Variants in ZFYVE26 observed in about 807,000 individuals in gnomAD.
The protein encoded by ZFYVE26 is zinc finger FYVE domain-containing protein 26.
In ZFYVE26, 181 loss-of-function variants were observed where a neutral mutation model predicts 276.5. That is an observed-to-expected ratio of 0.65 (90% confidence interval 0.58 to 0.74). The LOEUF is 0.74. Ranked by LOEUF, ZFYVE26 falls within the 30% of genes least tolerant of loss-of-function variation. The pLI, the probability that ZFYVE26 is intolerant of heterozygous loss-of-function variation, is 0.00. For missense variants in ZFYVE26, 2,821 were observed against 3,097.9 expected (o/e 0.91, Z 2.12); for synonymous variants, 1,129 against 1,203.1 (o/e 0.94, Z 1.27).
At chr14:67,737,725 TA>T (rs2038368710) in intron 13 of ZFYVE26, among the ~76,000 whole-genome samples, 1 of 152,194 alleles carries the variant, frequency 6.6e-6, no homozygotes, top group South Asian at 2.1e-4. Context: ...GTAGTACCCA[TA>T]TTTTTATTCA....
chr14:67,791,701 G>C (rs1261538574), intron 14 of ZFYVE26, among the ~76,000 whole-genome samples: 1 of 151,548 alleles, frequency 6.6e-6, no homozygotes, highest in East Asian at 1.9e-4. Flanking sequence ...AGGAGAAGTG[G>C]AGGACATTTA....
intron 31 of ZFYVE26, among the ~76,000 whole-genome samples, chr14:67,767,274 C>T (rs1052742535): frequency 2.6e-5 from 4 of 152,150 alleles, no homozygotes; most frequent in African/African-American, 9.7e-5. Context: ...TTCAAGCCTA[C>T]CTTTTATGAG....
Position 67,748,449 on chromosome 14 carries a change from C to T in ZFYVE26, c.7607G>A (p.Gly2536Asp). 6.2e-7 allele frequency: 1 copy of T among 1,612,150 alleles called. No homozygotes were observed. Among genetic ancestry groups the T allele is most frequent in the East Asian group, 2.2e-5 (1 of 44,896 alleles). ...CACTGCCCAAGGTCACTTCCTGGAG[C>T]CTGGGCCATGGGCACCCCGGGGGTG... ...TSHPRGAHGP[G>D]SRK Residue 2536 changes from glycine to aspartate, a missense_variant, in exon 42 of 42, where the codon GGC becomes GAC. Physicochemically the swap from Gly to Asp is moderately conservative, Grantham distance 94. Coordinates refer to ENST00000347230, the MANE Select transcript of ZFYVE26 (RefSeq NM_015346.4).
chr14:67,762,067 A>C, intron 34 of ZFYVE26, 136 bp downstream of exon 34: 1 of 1,009,000 alleles, frequency 9.9e-7, no homozygotes, highest in Non-Finnish European at 1.5e-6. Context: ...GTGATGGAAA[A>C]AAAAAATTTT....
intron 20 of ZFYVE26, among the ~76,000 whole-genome samples, chr14:67,783,987 T>C (rs1031772518): frequency 6.6e-6 from 1 of 152,238 alleles, no homozygotes; most frequent in Non-Finnish European, 1.5e-5. Flanking sequence ...CAAACTGCCT[T>C]CCGACAGAGG....
chr14:67,736,869 C>T (rs979011853), intron 13 of ZFYVE26, among the ~76,000 whole-genome samples: 5 of 151,998 alleles, frequency 3.3e-5, no homozygotes, highest in Admixed American at 3.3e-4. Flanking sequence ...GTTAGGTGAT[C>T]CTGTTCCACA....
chr14:67,777,678 C>T lies in ZFYVE26; in HGVS notation c.4855G>A (p.Asp1619Asn), dbSNP rs566223708. 8.9e-5 allele frequency: 144 copies of T among 1,614,016 alleles called. No homozygotes were observed. The highest frequency in any genetic ancestry group is 1.1e-4 in the Non-Finnish European group (130 of 1,180,008). Residue 1619 changes from aspartate to asparagine, a missense_variant, in exon 25 of 42, where the codon GAC becomes AAC. By Grantham distance (23) the Asp-to-Asn change is conservative. Transcript: ENST00000347230. ...MCLEVTEQSLDQHTSLATSHF... is the reference protein window; with the variant it reads ...MCLEVTEQSLNQHTSLATSHF... ...GAAGTGGCCAAGCTAGTGTGCTGGT[C>T]GAGGGATTGCTCTGTCACTTCAAGG...
rs138310052 is a variant in ZFYVE26 at position 67,763,454 on chromosome 14, T to C, written c.6012-635A>G. ...GGATCATAATATCATATTTTTACTATACTTTTTCTATATTTAGATACACAA... is the reference window on the plus strand; with the variant it reads ...GGATCATAATATCATATTTTTACTACACTTTTTCTATATTTAGATACACAA... On this transcript the variant is annotated intron_variant, in intron 32 of 41. Transcript: ENST00000347230. Among the ~76,000 whole-genome samples the C allele has an allele frequency of 9.8e-5, 15 of 152,358 alleles. No homozygotes were observed. In the East Asian group the frequency reaches 2.9e-3, roughly 29 times the overall value.
At chr14:67,778,035 G>T in intron 24 of ZFYVE26, 91 bp downstream of exon 24, 1 of 1,560,620 alleles carries the variant, frequency 6.4e-7, no homozygotes, top group Non-Finnish European at 8.8e-7. Context: ...AGCTGAGATT[G>T]CATGGGATTC....
Position 67,772,050 on chromosome 14 carries a change from G to T in ZFYVE26, c.5481C>A (p.Thr1827=), listed in dbSNP as rs2039223664. 1.2e-6 allele frequency: 2 copies of T among 1,610,716 alleles called. No individual in the cohort carries two copies. The highest frequency in any genetic ancestry group is 2.7e-5 in the African/African-American group (2 of 74,810). Residue 1827 remains threonine (T), a synonymous_variant, in exon 28 of 42, where the codon ACC becomes ACA. Transcript: ENST00000347230. The stretch of plus-strand genomic sequence containing the variant: ...AGTGGAGACCGATGCTGCTTACCAT[G>T]GTGAAGTGCTCCCTGCAGCAGACCA... ...ICMVCCREHF[T]MFNRRHHCRR...
chr14:67,745,174 G>A (rs11158690), downstream of ZFYVE26, among the ~76,000 whole-genome samples: 12,606 of 152,260 alleles, frequency 0.083, 704 homozygotes, highest in East Asian at 0.14. Context: ...GTGATGATGA[G>A]CTTTTTTCAT....
Position 67,806,567 on chromosome 14 carries a change from T to C in ZFYVE26, c.995A>G (p.Lys332Arg). ...VAYFYCLSNN[K>R]HFLEQILVTA... ...TACCAGAATCTGCTCGAGGAAGTGT[T>C]TGTTGTTGCTCAGGCAGTAGAAATA... Residue 332 changes from lysine (K) to arginine (R), a missense_variant, in exon 6 of 42, where the codon AAA becomes AGA. Coordinates refer to ENST00000347230, the MANE Select transcript of ZFYVE26 (RefSeq NM_015346.4). The C allele has an allele frequency of 3.7e-6, 6 of 1,614,196 alleles. No homozygotes were observed. The highest frequency in any genetic ancestry group is 5.1e-6 in the Non-Finnish European group (6 of 1,180,012).
At chr14:67,729,603 G>T (rs547475379) in exon 14 of ZFYVE26, 27 of 630,936 alleles carry the variant, frequency 4.3e-5, no homozygotes, top group East Asian at 3.6e-4. Flanking sequence ...CTCGTGTGCC[G>T]CTTTTCCATG....
intron 13 of ZFYVE26, among the ~76,000 whole-genome samples, chr14:67,738,551 AATG>A (rs1284259610): frequency 6.6e-6 from 1 of 151,836 alleles, no homozygotes; most frequent in East Asian, 1.9e-4. Flanking sequence ...TGAATTTCAG[AATG>A]ATGTGTTCTG....
Position 67,807,586 on chromosome 14 carries a change from C to T in ZFYVE26, c.698G>A (p.Gly233Glu). ...RTLRCPAEPL[G>E]VELHLLCEEL... ...CTCACACAGGAGATGCAACTCAACC[C>T]CAAGTGGTTCTGCGGGGCAACGCAG... The change falls in exon 5 of 42, where the codon GGG (glycine) becomes GAG (glutamate). Residue 233 changes from glycine (G) to glutamate (E), a missense_variant. Transcript: ENST00000347230. 6.2e-7 allele frequency: 1 copy of T among 1,614,208 alleles called. No homozygotes were observed. The highest frequency in any genetic ancestry group is 8.5e-7 in the Non-Finnish European group (1 of 1,180,036).
intron 40 of ZFYVE26, among the ~76,000 whole-genome samples, chr14:67,752,121 C>T (rs114903730): frequency 6.6e-6 from 1 of 152,150 alleles, no homozygotes; most frequent in Non-Finnish European, 1.5e-5. Context: ...CAAATTTACA[C>T]AATGGGATGT....
At chr14:67,765,601 G>C (rs1334922589) in intron 32 of ZFYVE26, among the ~76,000 whole-genome samples, 1 of 152,190 alleles carries the variant, frequency 6.6e-6, no homozygotes, top group Non-Finnish European at 1.5e-5. Context: ...TCACACATTT[G>C]AGTGGATAAG....
intron 16 of ZFYVE26, among the ~76,000 whole-genome samples, chr14:67,786,514 G>T (rs2039663684): frequency 6.6e-6 from 1 of 152,176 alleles, no homozygotes; most frequent in Non-Finnish European, 1.5e-5. Flanking sequence ...AAATAGATTT[G>T]CCTTGGTACT....
intron 3 of ZFYVE26, among the ~76,000 whole-genome samples, chr14:67,812,342 T>C (rs944880245): frequency 2.0e-5 from 3 of 152,150 alleles, no homozygotes; most frequent in African/African-American, 2.4e-5. Context: ...CTCTGCAAGA[T>C]TAAAAGGCAG....
Sources: allele counts gnomAD v4.1 joint callset (sites outside exome capture counted in the v4.1 genomes callset), GRCh38; gene constraint gnomAD v4.1.1; transcripts MANE v1.5; gene names NCBI Gene and HGNC (gene_info 2026-07-23, HGNC 2026-07-21).